C16orf96: variants seen among roughly 807,000 people sequenced by gnomAD.
C16orf96 encodes the protein uncharacterized protein C16orf96.
In C16orf96, 108 loss-of-function variants were observed where a neutral mutation model predicts 103.6. That is an observed-to-expected ratio of 1.04 (90% CI 0.89 to 1.22). The LOEUF is 1.22. Ranked by LOEUF, C16orf96 falls within the 50% of genes most tolerant of loss-of-function variation. C16orf96 has a pLI of 0.00. For missense variants in C16orf96, 1,586 were observed against 1,464.2 expected, an observed-to-expected ratio of 1.08 and a Z score of -1.36; for synonymous variants, 566 against 593.5, an observed-to-expected ratio of 0.95 and a Z score of 0.67.
chr16:4,593,346 C>G lies in C16orf96; in HGVS notation c.2867+30C>G. The stretch of plus-strand genomic sequence containing the variant: ...GCAGGATGGGCGCCCCGCAGGGAGG[C>G]CGCCCCGCATGGAGGCCACTCTGGA... On this transcript the variant is annotated intron_variant, in intron 12 of 15. Transcript: ENST00000444310. The surrounding 1 kb of genome is among the most constrained non-coding windows in gnomAD (Gnocchi z 4.2). 6.5e-7 allele frequency: 1 copy of G among 1,539,924 alleles called. No homozygotes were observed. Among genetic ancestry groups the G allele is most frequent in the Non-Finnish European group, 8.8e-7 (1 of 1,139,504 alleles).
In C16orf96 at chr16:4,592,450, C is replaced by T. The variant is rs576974018; in HGVS notation, c.2774+83C>T. ...CATCTCCGTGCACCTCCATGTGCAC[C>T]GTTCCATGCACGCTGTGTGTCTACA... On this transcript the variant is annotated intron_variant, in intron 11 of 15. Transcript: ENST00000444310. 5.8e-5 allele frequency: 83 copies of T among 1,434,930 alleles called. 1 individual carries two copies. The South Asian group carries it at 9.5e-4, about 17-fold the overall frequency. The allele number at this position is 1,434,930 out of a possible 1,614,324, so 88.9% of individuals were successfully genotyped here.
At chr16:4,557,116 C>G (rs918485329) in intron 1 of C16orf96, among the ~76,000 whole-genome samples, 7 of 152,154 alleles carry the variant, frequency 4.6e-5, no homozygotes, top group African/African-American at 1.4e-4. Flanking sequence ...ATTTCAGGCA[C>G]ATGCCACCAC....
intron 2 of C16orf96, among the ~76,000 whole-genome samples, chr16:4,573,120 C>T (rs774399636): frequency 3.9e-5 from 6 of 151,982 alleles, no homozygotes; most frequent in African/African-American, 9.7e-5. Context: ...CAAAAGGGCC[C>T]CTTAGACAAA....
intron 1 of C16orf96, among the ~76,000 whole-genome samples, chr16:4,569,339 A>G (rs893960968): frequency 6.6e-6 from 1 of 152,128 alleles, no homozygotes; most frequent in Non-Finnish European, 1.5e-5. Context: ...TTGTTAATTA[A>G]CTATTTCTCC....
chr16:4,588,147 T>C lies in C16orf96; in HGVS notation c.2428-20T>C. On this transcript the variant is annotated intron_variant, in intron 8 of 15. Transcript: ENST00000444310. ...CTCCATCCCAGCAGCCATGCCTCCC[T>C]GAACTCCCTGTCTCCCTAGAAAGCT... 3 of 1,547,352 alleles carry C rather than the reference T, an allele frequency of 1.9e-6. No individual in the cohort carries two copies. The highest frequency in any genetic ancestry group is 2.6e-6 in the Non-Finnish European group (3 of 1,144,552).
intron 1 of C16orf96, among the ~76,000 whole-genome samples, chr16:4,558,175 T>C (rs888530176): frequency 6.6e-6 from 1 of 152,234 alleles, no homozygotes; most frequent in African/African-American, 2.4e-5. Context: ...GCTCAGTGAT[T>C]GGCTGAAGGC....
chr16:4,599,955 G>A (rs1219823412), intron 15 of C16orf96, 145 bp from the exon 16 acceptor site: 6 of 781,270 alleles, frequency 7.7e-6, no homozygotes, highest in Admixed American at 5.4e-5. Context: ...GGGCCCAGGT[G>A]AGGTATGGTG....
chr16:4,592,222 C>A (rs1897075375), intron 10 of C16orf96, 83 bp from the exon 11 acceptor site: 2 of 1,520,060 alleles, frequency 1.3e-6, no homozygotes, highest in Non-Finnish European at 8.9e-7. Flanking sequence ...AGGGATGCAG[C>A]CCTGGGGCTC....
chr16:4,555,823 A>G (rs1207111735), upstream of C16orf96, among the ~76,000 whole-genome samples: 1 of 151,204 alleles, frequency 6.6e-6, no homozygotes, highest in Non-Finnish European at 1.5e-5. Context: ...CATCCTCCTG[A>G]GTAGCTGGGA....
chr16:4,600,178 C>T lies in C16orf96; in HGVS notation c.3287C>T (p.Pro1096Leu). The T allele has an allele frequency of 2.6e-6, 4 of 1,551,600 alleles. No individual in the cohort carries two copies. In the South Asian group the frequency reaches 4.8e-5, roughly 18 times the overall value. ...ATGCCAGCTCGACCACCTTCCCTGC[C>T]ACCTCTGCTGCTGCTGCCACCGCTG... ...LTMPARPPSLPPLLLLPPLIP... is the reference protein window; with the variant it reads ...LTMPARPPSLLPLLLLPPLIP... Residue 1096 changes from proline to leucine, a missense_variant, in exon 16 of 16, where the codon CCA (proline) becomes CTA (leucine). Transcript: ENST00000444310.
chr16:4,579,985 G>C (rs138798692), intron 6 of C16orf96, 30 bp from the exon 7 acceptor site: 1 of 1,516,516 alleles, frequency 6.6e-7, no homozygotes, highest in African/African-American at 1.4e-5. Context: ...AGAAGCAGAG[G>C]CCTGGGGTGT....
chr16:4,540,720 C>T, the C16orf96 span, among the ~76,000 whole-genome samples: 17 of 151,716 alleles, frequency 1.1e-4, no homozygotes, highest in Admixed American at 1.1e-3. Flanking sequence ...GAGCAAAACT[C>T]TCTCAAAATA....
At chr16:4,540,728 A>G in the C16orf96 span, among the ~76,000 whole-genome samples, 1 of 151,964 alleles carries the variant, frequency 6.6e-6, no homozygotes, top group Non-Finnish European at 1.5e-5. Context: ...CTCTCTCAAA[A>G]TAAAATAAAA....
rs1486916368 is a variant in C16orf96, at chr16:4,575,272, C to T, written c.792C>T (p.Ala264=). Residue 264 remains alanine (A), a synonymous_variant, in exon 5 of 16, where the codon GCC becomes GCT. Transcript: ENST00000444310. ...QTTKYLEATR[A]IQVSEPVQNP... ...CCAAGTACCTTGAAGCTACTCGTGC[C>T]ATCCAGGTCTCCGAGCCCGTCCAAA... 2 of 1,550,558 alleles carry T rather than the reference C, an allele frequency of 1.3e-6. No homozygotes were observed. Among genetic ancestry groups the T allele is most frequent in the Admixed American group, 2.0e-5 (1 of 51,006 alleles).
intron 15 of C16orf96, 132 bp downstream of exon 15, chr16:4,599,496 C>T: frequency 1.3e-6 from 1 of 792,762 alleles, no homozygotes; most frequent in Non-Finnish European, 2.1e-6. Flanking sequence ...GCCTGCTTTG[C>T]CTGCCTATGG....
intron 1 of C16orf96, among the ~76,000 whole-genome samples, chr16:4,562,607 C>G (rs952412781): frequency 6.6e-6 from 1 of 151,994 alleles, no homozygotes; most frequent in African/African-American, 2.4e-5. Flanking sequence ...GTGGTGGGCA[C>G]ACAAAGCAAT....
intron 7 of C16orf96, among the ~76,000 whole-genome samples, chr16:4,582,034 C>T (rs1204555320): frequency 6.6e-6 from 1 of 152,110 alleles, no homozygotes; most frequent in East Asian, 1.9e-4. Context: ...GTAATCCCAG[C>T]ACTTTGGGAG....
At chr16:4,541,031 A>G in the C16orf96 span, among the ~76,000 whole-genome samples, 7 of 151,598 alleles carry the variant, frequency 4.6e-5, no homozygotes, top group African/African-American at 9.7e-5. Context: ...CTCCTGCCTC[A>G]GCCTCCTGAG....
At chr16:4,599,445 A>C in intron 15 of C16orf96, 81 bp downstream of exon 15, 3 of 1,239,732 alleles carry the variant, frequency 2.4e-6, no homozygotes, top group Non-Finnish European at 3.5e-6. Flanking sequence ...CCCATCCCCC[A>C]CACCCCGCCT....
Sources: allele counts gnomAD v4.1 joint callset (sites outside exome capture counted in the v4.1 genomes callset), GRCh38; gene constraint gnomAD v4.1.1; non-coding constraint Gnocchi (gnomAD v3.1); transcripts MANE v1.5; gene names NCBI Gene and HGNC (gene_info 2026-07-23, HGNC 2026-07-21).